Variants in SPTLC3 observed in about 807,000 individuals in gnomAD.
SPTLC3 encodes the protein serine palmitoyltransferase 3.
In SPTLC3, 36 loss-of-function variants were observed where a neutral mutation model predicts 59.3. That is an observed-to-expected ratio of 0.61 (90% CI 0.47 to 0.80). The LOEUF (loss-of-function observed/expected upper bound fraction) is 0.80, where lower values mean the gene tolerates loss of function less well. Ranked by LOEUF, SPTLC3 falls within the 30% of genes least tolerant of loss-of-function variation. The pLI, the probability that SPTLC3 is intolerant of heterozygous loss-of-function variation, is 0.00. For synonymous variants in SPTLC3, 257 were observed against 240.8 expected, an observed-to-expected ratio of 1.07 and a Z score of -0.62; for missense variants, 625 against 685.1, an observed-to-expected ratio of 0.91 and a Z score of 0.98.
chr20:13,054,408 A>T (rs1051648694), intron 2 of SPTLC3, among the ~76,000 whole-genome samples: 1 of 152,220 alleles, frequency 6.6e-6, no homozygotes, highest in African/African-American at 2.4e-5. Context: ...AAGACAACAG[A>T]GAGATCAAAA....
intron 2 of SPTLC3, chr20:13,049,359 T>C: frequency 4.3e-6 from 2 of 459,894 alleles, no homozygotes; most frequent in Non-Finnish European, 8.0e-6. Flanking sequence ...AAACTAAGGC[T>C]TTTCCCATAC....
At chr20:13,035,777 A>T (rs961941524) in intron 1 of SPTLC3, among the ~76,000 whole-genome samples, 12 of 152,194 alleles carry the variant, frequency 7.9e-5, no homozygotes, top group African/African-American at 2.7e-4. Context: ...CTTGAGTTTT[A>T]TAAAGCATTT....
Position 13,042,031 on chromosome 20 carries a change from C to T in SPTLC3, c.118-6914C>T, listed in dbSNP as rs1471717794. Among the ~76,000 whole-genome samples the T allele has an allele frequency of 5.3e-5, 8 of 152,284 alleles. No homozygotes were observed. In the East Asian group the frequency reaches 1.4e-3, roughly 26 times the overall value. ...CTCTATTGGTTTTGACAGTGCCCTG[C>T]GGCATAAATTGCTTCACAATCTAAT... is the stretch of plus-strand genomic sequence containing the variant. On this transcript the variant is annotated intron_variant, in intron 1 of 11. Coordinates refer to ENST00000399002, the MANE Select transcript of SPTLC3 (RefSeq NM_018327.4).
chr20:13,055,306 C>G (rs4814193), intron 2 of SPTLC3, among the ~76,000 whole-genome samples: 1 of 151,622 alleles, frequency 6.6e-6, no homozygotes, highest in Non-Finnish European at 1.5e-5. Flanking sequence ...CTTCCAGAGA[C>G]GCAGGTTTCT....
intron 2 of SPTLC3, among the ~76,000 whole-genome samples, chr20:13,062,772 T>C (rs564425191): frequency 3.9e-5 from 6 of 152,212 alleles, no homozygotes; most frequent in Non-Finnish European, 8.8e-5. Context: ...GCTTTGAAGA[T>C]ATTTATATGC....
chr20:13,016,101 A>T (rs1985516723), intron 1 of SPTLC3, among the ~76,000 whole-genome samples: 1 of 152,064 alleles, frequency 6.6e-6, no homozygotes, highest in African/African-American at 2.4e-5. Flanking sequence ...GAGGCCAAAC[A>T]CCAGAAAGAA....
At chr20:13,079,674 T>G in intron 4 of SPTLC3, 1 of 437,678 alleles carries the variant, frequency 2.3e-6, no homozygotes, top group Non-Finnish European at 4.7e-6. Flanking sequence ...TGCGCAATGC[T>G]TCTTTTCTGG....
intron 9 of SPTLC3, chr20:13,133,067 C>T (rs763384803): frequency 1.3e-5 from 2 of 152,314 alleles, no homozygotes; most frequent in Non-Finnish European, 2.9e-5. Context: ...TGAAAACAGC[C>T]TTCAAAGACT....
At chr20:13,072,464 C>T in intron 3 of SPTLC3, 54 bp downstream of exon 3, 1 of 1,463,290 alleles carries the variant, frequency 6.8e-7, no homozygotes, top group Non-Finnish European at 9.1e-7. Flanking sequence ...TCAAGGAAAT[C>T]CTAGCATGGC....
At chr20:13,137,352 G>T (rs1278711154) in intron 9 of SPTLC3, among the ~76,000 whole-genome samples, 1 of 152,158 alleles carries the variant, frequency 6.6e-6, no homozygotes, top group Non-Finnish European at 1.5e-5. Context: ...GGGAATGAAG[G>T]CTTTCAGCTA....
rs2039002092 is a variant in SPTLC3, at chr20:13,167,750, C to T, written c.*2883C>T. On this transcript the variant is annotated 3_prime_UTR_variant, in exon 12 of 12. Coordinates refer to ENST00000399002, the MANE Select transcript of SPTLC3 (RefSeq NM_018327.4). ...GCTTTGGAATTTACTAGGAAGCTGG[C>T]TAAAATCCATACCCCTAGGCCCTAC... 6.6e-6 allele frequency: 1 copy of T among 152,130 alleles called. No homozygotes were observed. 9.4% of individuals were successfully genotyped at this position (152,130 alleles called of 1,614,324 possible).
chr20:13,035,326 G>A (rs1336511396), intron 1 of SPTLC3, among the ~76,000 whole-genome samples: 34 of 152,138 alleles, frequency 2.2e-4, no homozygotes, highest in Admixed American at 2.2e-3. Context: ...ACTATAAGTT[G>A]TCCTACATAT....
At chr20:13,105,577 AC>A (rs1437712534) in intron 6 of SPTLC3, among the ~76,000 whole-genome samples, 3 of 152,144 alleles carry the variant, frequency 2.0e-5, no homozygotes, top group Non-Finnish European at 2.9e-5. Context: ...TGTTTATGTG[AC>A]CTTTTTGGTG....
chr20:13,097,223 A>C (rs1989448483), intron 6 of SPTLC3, among the ~76,000 whole-genome samples: 1 of 152,026 alleles, frequency 6.6e-6, no homozygotes, highest in South Asian at 2.1e-4. Context: ...CTAATCAGGG[A>C]AGAAGAAAAG....
chr20:13,123,444 G>T (rs2037914594), intron 8 of SPTLC3, among the ~76,000 whole-genome samples: 1 of 152,120 alleles, frequency 6.6e-6, no homozygotes, highest in African/African-American at 2.4e-5. Context: ...AAACTCCGAG[G>T]TAAGTATTAC....
chr20:13,164,688 TG>T, intron 11 of SPTLC3, 65 bp from the exon 12 acceptor site: 1 of 1,185,260 alleles, frequency 8.4e-7, no homozygotes, highest in Middle Eastern at 1.9e-4. Context: ...GCTATTAATC[TG>T]GGCTCTGCAA....
intron 2 of SPTLC3, among the ~76,000 whole-genome samples, chr20:13,057,938 G>A (rs755441566): frequency 1.3e-5 from 2 of 152,156 alleles, no homozygotes; most frequent in African/African-American, 4.8e-5. Context: ...AATACTTCAA[G>A]TGCAGCCAAT....
chr20:13,089,910 C>T (rs1989156483), intron 4 of SPTLC3, among the ~76,000 whole-genome samples: 1 of 151,850 alleles, frequency 6.6e-6, no homozygotes, highest in South Asian at 2.1e-4. Flanking sequence ...ATTAAATTTC[C>T]AATAATTAAT....
chr20:13,034,502 G>A (rs992301932), intron 1 of SPTLC3, among the ~76,000 whole-genome samples: 1 of 152,046 alleles, frequency 6.6e-6, no homozygotes, highest in Non-Finnish European at 1.5e-5. Context: ...CCTCCTGATG[G>A]TGTCCCATAA....
Sources: gnomAD v4.1 joint callset for allele counts (sites outside exome capture counted in the v4.1 genomes callset) on GRCh38, gnomAD v4.1.1 for gene constraint, MANE v1.5 for transcripts, NCBI Gene and HGNC (gene_info 2026-07-23, HGNC 2026-07-21) for gene names.